Variants in ZBTB7C observed in about 807,000 individuals in gnomAD.
The protein encoded by ZBTB7C is zinc finger and BTB domain containing 7C.
A neutral mutation model predicts 25.7 loss-of-function variants in ZBTB7C; 8 were observed. That is an observed-to-expected ratio of 0.31 (90% confidence interval 0.18 to 0.56). ZBTB7C has a LOEUF of 0.56. ZBTB7C is among the 20% of genes least tolerant of loss of function. The pLI is 0.91. For missense variants in ZBTB7C, 824 were observed against 855.2 expected, an observed-to-expected ratio of 0.96 and a Z score of 0.46; for synonymous variants, 394 against 369.0, an observed-to-expected ratio of 1.07 and a Z score of -0.78.
intron 1 of ZBTB7C, among the ~76,000 whole-genome samples, chr18:48,382,137 T>A (rs1248393339): frequency 1.3e-5 from 2 of 152,222 alleles, no homozygotes; most frequent in African/African-American, 4.8e-5. Context: ...CACCTTCCAC[T>A]AGTAGGAAGC....
At chr18:48,231,903 C>T (rs2043265567) in intron 2 of ZBTB7C, among the ~76,000 whole-genome samples, 1 of 152,232 alleles carries the variant, frequency 6.6e-6, no homozygotes, top group Non-Finnish European at 1.5e-5. Flanking sequence ...GGTCCCGGCA[C>T]AGCCTTGCAG....
intron 2 of ZBTB7C, among the ~76,000 whole-genome samples, chr18:48,263,764 A>T (rs2044237103): frequency 6.6e-6 from 1 of 152,188 alleles, no homozygotes. Context: ...GGAAAAACAA[A>T]TCATAAACCA....
At chr18:48,136,362 C>T (rs1001707809) in intron 3 of ZBTB7C, among the ~76,000 whole-genome samples, 2 of 152,202 alleles carry the variant, frequency 1.3e-5, no homozygotes, top group Admixed American at 6.5e-5. Context: ...GGAAGAGCCC[C>T]CCACCCACCC....
chr18:48,369,189 G>A (rs2047327279), intron 1 of ZBTB7C, among the ~76,000 whole-genome samples: 1 of 152,108 alleles, frequency 6.6e-6, no homozygotes, highest in African/African-American at 2.4e-5. Context: ...GAGGCAATAA[G>A]GTTTCTACAC....
rs2043133648 is a variant in ZBTB7C, at chr18:48,227,425, C to T, written c.-78-41430G>A. 5.3e-5 allele frequency among the ~76,000 whole-genome samples: 8 copies of T among 152,340 alleles called. No homozygotes were observed. The South Asian group carries it at 1.7e-3, about 32-fold the overall frequency. On this transcript the variant is annotated intron_variant, in intron 2 of 4. Coordinates refer to ENST00000590800, the MANE Select transcript of ZBTB7C (RefSeq NM_001318841.2). ...GCTGCTCCACCCTCTTCCTTTCTGCCGTCCTCTAGTCACTAAGGAGAAGGA... is the reference window on the plus strand; with the variant it reads ...GCTGCTCCACCCTCTTCCTTTCTGCTGTCCTCTAGTCACTAAGGAGAAGGA...
At position 48,307,939 on chromosome 18, in the gene ZBTB7C, C is replaced by T. The variant is rs28690611; in HGVS notation, c.-79+30235G>A. ...TTTATGCAATGGCTGTCGTGGAAGC[C>T]ATGCATAGACTACATTTTTGGTACA... On this transcript the variant is annotated intron_variant, in intron 2 of 4. Transcript: ENST00000590800. Among the ~76,000 whole-genome samples the T allele has an allele frequency of 9.9e-3, 1,507 of 152,276 alleles. 24 individuals carry two copies. The highest frequency in any genetic ancestry group is 0.035 in the African/African-American group (1,447 of 41,542).
At chr18:48,359,382 G>C (rs2047052001) in intron 1 of ZBTB7C, among the ~76,000 whole-genome samples, 1 of 152,074 alleles carries the variant, frequency 6.6e-6, no homozygotes, top group Non-Finnish European at 1.5e-5. Context: ...AAATGACAGG[G>C]AACACTATTA....
intron 3 of ZBTB7C, among the ~76,000 whole-genome samples, chr18:48,161,172 G>C (rs192456015): frequency 1.4e-3 from 219 of 151,722 alleles, no homozygotes; most frequent in African/African-American, 5.1e-3. Flanking sequence ...GTGGGGGAGG[G>C]AGGGCCTCCT....
At chr18:48,234,292 T>C (rs1356593840) in intron 2 of ZBTB7C, among the ~76,000 whole-genome samples, 1 of 152,218 alleles carries the variant, frequency 6.6e-6, no homozygotes, top group Non-Finnish European at 1.5e-5. Flanking sequence ...TATCTTAAAC[T>C]ATTTTACAGC....
intron 3 of ZBTB7C, among the ~76,000 whole-genome samples, chr18:48,157,868 T>C (rs560623963): frequency 6.6e-6 from 1 of 152,128 alleles, no homozygotes; most frequent in African/African-American, 2.4e-5. Flanking sequence ...AATGGGACAA[T>C]GGCAAAACAC....
chr18:48,349,479 A>G (rs534295535), intron 1 of ZBTB7C, among the ~76,000 whole-genome samples: 1 of 142,130 alleles, frequency 7.0e-6, no homozygotes. Flanking sequence ...TGACAAATGA[A>G]TAAAGCAGAT....
chr18:48,366,819 TC>T (rs2047232053), intron 1 of ZBTB7C, among the ~76,000 whole-genome samples: 1 of 152,198 alleles, frequency 6.6e-6, no homozygotes, highest in South Asian at 2.1e-4. Context: ...ACAATTCTTA[TC>T]TACAGCTGGT....
At chr18:48,161,980 C>T (rs963527740) in intron 3 of ZBTB7C, among the ~76,000 whole-genome samples, 1 of 152,008 alleles carries the variant, frequency 6.6e-6, no homozygotes, top group African/African-American at 2.4e-5. Flanking sequence ...CCCCTGCCCA[C>T]GGTTACCCGG....
chr18:48,172,249 G>A (rs2041507883), intron 3 of ZBTB7C, among the ~76,000 whole-genome samples: 1 of 152,164 alleles, frequency 6.6e-6, no homozygotes, highest in South Asian at 2.1e-4. Flanking sequence ...TAAGCTAGTG[G>A]GAAGATGGGT....
chr18:48,374,559 G>T (rs1370073634), intron 1 of ZBTB7C, among the ~76,000 whole-genome samples: 1 of 152,200 alleles, frequency 6.6e-6, no homozygotes, highest in Non-Finnish European at 1.5e-5. Flanking sequence ...CATTCTCCCT[G>T]CTTTTCTTTT....
intron 2 of ZBTB7C, among the ~76,000 whole-genome samples, chr18:48,329,415 C>T (rs917009492): frequency 3.9e-5 from 6 of 152,262 alleles, no homozygotes; most frequent in Middle Eastern, 3.4e-3. Context: ...CAGAGCTAGG[C>T]GCTGCTGTTG....
At chr18:48,270,977 A>C (rs1168164421) in intron 2 of ZBTB7C, among the ~76,000 whole-genome samples, 1 of 152,150 alleles carries the variant, frequency 6.6e-6, no homozygotes, top group Non-Finnish European at 1.5e-5. Context: ...GAAACTATGA[A>C]CCAAGATAGA....
intron 1 of ZBTB7C, among the ~76,000 whole-genome samples, chr18:48,362,702 G>A (rs530810460): frequency 2.0e-5 from 3 of 150,058 alleles, no homozygotes; most frequent in South Asian, 2.1e-4. Flanking sequence ...GCCCTTTTTC[G>A]TTTTCTAAAA....
At chr18:48,260,831 G>A (rs1250070236) in intron 2 of ZBTB7C, among the ~76,000 whole-genome samples, 10 of 152,206 alleles carry the variant, frequency 6.6e-5, no homozygotes, top group South Asian at 2.1e-4. Context: ...TAGGCCTGGT[G>A]ATCTGGCCTC....
Sources: gnomAD v4.1 joint callset for allele counts (sites outside exome capture counted in the v4.1 genomes callset) on GRCh38, gnomAD v4.1.1 for gene constraint, MANE v1.5 for transcripts, NCBI Gene and HGNC (gene_info 2026-07-23, HGNC 2026-07-21) for gene names.